ABCA12: variants seen among roughly 807,000 people sequenced by gnomAD.
ABCA12 encodes the protein ATP binding cassette subfamily A member 12, also known as glucosylceramide transporter ABCA12.
In ABCA12, 156 loss-of-function variants were observed where a neutral mutation model predicts 293.5. The ratio of observed to expected loss-of-function variants is 0.53; its 90% CI spans 0.47 to 0.61. The LOEUF is 0.61. Ranked by LOEUF, ABCA12 falls within the 20% of genes least tolerant of loss-of-function variation. The probability of loss-of-function intolerance (pLI) is 0.00; values close to 1 mark genes in which losing one functional copy is unlikely to be tolerated. For missense variants in ABCA12, 2,797 were observed against 3,090.2 expected, an observed-to-expected ratio of 0.91 and a Z score of 2.25; for synonymous variants, 1,063 against 1,108.0, an observed-to-expected ratio of 0.96 and a Z score of 0.81.
At chr2:215,074,471 A>G (rs568504582) in intron 2 of ABCA12, among the ~76,000 whole-genome samples, 1 of 152,314 alleles carries the variant, frequency 6.6e-6, no homozygotes, top group Admixed American at 6.5e-5. Flanking sequence ...AATAGGGAAA[A>G]ATAATGACGG....
chr2:215,056,935 T>C (rs1701431405), intron 3 of ABCA12, among the ~76,000 whole-genome samples: 1 of 152,044 alleles, frequency 6.6e-6, no homozygotes, highest in African/African-American at 2.4e-5. Context: ...AATAGCACCT[T>C]CCTGTTACTT....
Position 215,015,540 on chromosome 2 carries a change from T to C in ABCA12, c.1906A>G (p.Ile636Val). The C allele has an allele frequency of 3.7e-6, 6 of 1,614,152 alleles. No individual in the cohort carries two copies. The highest frequency in any genetic ancestry group is 5.1e-6 in the Non-Finnish European group (6 of 1,180,000). ...LSERSRQSYLIGLTLLHYLNI... is the reference protein window; with the variant it reads ...LSERSRQSYLVGLTLLHYLNI... Reference sequence around the variant, plus strand: ...AAGTAGTGCAGAAGGGTGAGTCCGATGAGGTAAGACTGCCGGGATCTCTCT... The same window carrying C: ...AAGTAGTGCAGAAGGGTGAGTCCGACGAGGTAAGACTGCCGGGATCTCTCT... The change falls in exon 15 of 53, where the codon ATC becomes GTC. Residue 636 changes from isoleucine to valine, a missense_variant. Ile to Val is a conservative substitution (Grantham distance 29). Transcript: ENST00000272895.
At chr2:215,092,831 C>T (rs1440449217) in intron 2 of ABCA12, among the ~76,000 whole-genome samples, 2 of 152,146 alleles carry the variant, frequency 1.3e-5, no homozygotes, top group Non-Finnish European at 2.9e-5. Context: ...TGTTATGGAT[C>T]TCAAACATGC....
chr2:215,053,321 A>G (rs1452352263), intron 4 of ABCA12, among the ~76,000 whole-genome samples: 1 of 152,106 alleles, frequency 6.6e-6, no homozygotes, highest in African/African-American at 2.4e-5. Context: ...CTCAGAGCAA[A>G]GAATCTTAAT....
At chr2:215,133,370 CT>C (rs570509602) in intron 1 of ABCA12, among the ~76,000 whole-genome samples, 50 of 151,722 alleles carry the variant, frequency 3.3e-4, no homozygotes, top group African/African-American at 1.2e-3. Context: ...AAGTTGTTTA[CT>C]TTTTCTCCTT....
chr2:214,991,119 T>TAC, intron 23 of ABCA12, 88 bp from the exon 24 acceptor site: 3 of 1,196,478 alleles, frequency 2.5e-6, no homozygotes, highest in African/African-American at 1.5e-5. Flanking sequence ...AATGTCATGA[T>TAC]AGTCTCTCTG....
intron 2 of ABCA12, among the ~76,000 whole-genome samples, chr2:215,095,536 CT>C (rs1413038803): frequency 1.3e-5 from 2 of 152,188 alleles, no homozygotes; most frequent in African/African-American, 4.8e-5. Context: ...CACACCTCCC[CT>C]AATCCTGCTC....
intron 2 of ABCA12, among the ~76,000 whole-genome samples, chr2:215,110,469 C>T (rs1335025464): frequency 6.6e-6 from 1 of 152,154 alleles, no homozygotes; most frequent in African/African-American, 2.4e-5. Flanking sequence ...GAGCCGAAAT[C>T]GCGCCACTGC....
chr2:214,934,237 AGT>A (rs1437135486), intron 51 of ABCA12, 22 bp from the exon 52 acceptor site: 8 of 1,613,520 alleles, frequency 5.0e-6, no homozygotes, highest in Non-Finnish European at 6.8e-6. Context: ...AAAGGAAAAA[AGT>A]TTATTTTGCA....
intron 19 of ABCA12, among the ~76,000 whole-genome samples, chr2:215,005,669 A>G (rs959289998): frequency 9.2e-5 from 14 of 152,212 alleles, no homozygotes; most frequent in African/African-American, 3.4e-4. Flanking sequence ...GAGACAATCC[A>G]TTAAACCCTA....
At chr2:215,014,934 T>G (rs2106006342) in intron 15 of ABCA12, among the ~76,000 whole-genome samples, 1 of 152,322 alleles carries the variant, frequency 6.6e-6, no homozygotes, top group African/African-American at 2.4e-5. Flanking sequence ...AAATAAGTAC[T>G]CATAGAGCAT....
intron 1 of ABCA12, among the ~76,000 whole-genome samples, chr2:215,137,668 C>T (rs1703259249): frequency 6.6e-6 from 1 of 152,202 alleles, no homozygotes; most frequent in Non-Finnish European, 1.5e-5. Flanking sequence ...CTTTTCTATA[C>T]TAATAGCCTT....
At chr2:215,117,185 A>G (rs1702704348) in intron 1 of ABCA12, among the ~76,000 whole-genome samples, 1 of 152,244 alleles carries the variant, frequency 6.6e-6, no homozygotes, top group Admixed American at 6.5e-5. Flanking sequence ...AAATTATTTA[A>G]AAGATTTCTG....
intron 1 of ABCA12, among the ~76,000 whole-genome samples, chr2:215,118,071 T>C (rs952073305): frequency 2.6e-5 from 4 of 152,172 alleles, no homozygotes; most frequent in Non-Finnish European, 5.9e-5. Flanking sequence ...GTCTGTGCCT[T>C]TATACTAGAG....
At chr2:215,104,864 T>C (rs1185772159) in intron 2 of ABCA12, among the ~76,000 whole-genome samples, 1 of 152,208 alleles carries the variant, frequency 6.6e-6, no homozygotes, top group Non-Finnish European at 1.5e-5. Flanking sequence ...TTTATATTCA[T>C]TTTCTTTCCC....
chr2:215,100,360 T>C (rs1429022680), intron 2 of ABCA12, among the ~76,000 whole-genome samples: 1 of 152,150 alleles, frequency 6.6e-6, no homozygotes, highest in Non-Finnish European at 1.5e-5. Flanking sequence ...CACTTCCTCT[T>C]GTTGCATATT....
At chr2:214,950,705 A>G (rs752418789) in intron 45 of ABCA12, among the ~76,000 whole-genome samples, 174 bp downstream of exon 45, 51 of 151,914 alleles carry the variant, frequency 3.4e-4, no homozygotes, top group Non-Finnish European at 6.3e-4. Context: ...TGGTTTCACC[A>G]TGTTGGCCAG....
rs1700761453 is a variant in ABCA12 at position 215,027,026 on chromosome 2, GCATTGGTTGA to G, written c.1062-98_1062-89del. 7.1e-6 allele frequency: 7 copies of G among 983,080 alleles called. No homozygotes were observed. In the Admixed American group the frequency reaches 1.2e-4, roughly 17 times the overall value. 60.9% of individuals were successfully genotyped at this position (983,080 alleles called of 1,614,324 possible). Reference sequence around the variant, plus strand: ...TGAGATCATTTTGGTCCCTTGTTTGGCATTGGTTGACTTGGACATTGAAATACTATGCAGT... The same window carrying G: ...TGAGATCATTTTGGTCCCTTGTTTGGCTTGGACATTGAAATACTATGCAGT... On this transcript the variant is annotated intron_variant, in intron 9 of 52. Transcript: ENST00000272895.
intron 7 of ABCA12, among the ~76,000 whole-genome samples, chr2:215,039,526 C>A (rs898440533): frequency 1.3e-5 from 2 of 152,012 alleles, no homozygotes; most frequent in Non-Finnish European, 2.9e-5. Flanking sequence ...GAGGCCAAGG[C>A]GGATGGATCA....
Sources: gnomAD v4.1 joint callset for allele counts (sites outside exome capture counted in the v4.1 genomes callset) on GRCh38, gnomAD v4.1.1 for gene constraint, MANE v1.5 for transcripts, NCBI Gene and HGNC (gene_info 2026-07-23, HGNC 2026-07-21) for gene names.